The following PDE1C variants were observed in gnomAD, a reference collection of about 807,000 sequenced individuals.
PDE1C encodes the protein dual specificity calcium/calmodulin-dependent 3',5'-cyclic nucleotide phosphodiesterase 1C.
Under a neutral mutation model 93.1 loss-of-function variants are expected in PDE1C, and 62 were observed. The ratio of observed to expected loss-of-function variants is 0.67; its 90% CI spans 0.54 to 0.82. PDE1C has a LOEUF of 0.82. Among genes scored for constraint, PDE1C ranks in the 40% least tolerant of loss-of-function variants. The pLI is 0.00. For synonymous variants in PDE1C, 325 were observed against 310.1 expected (o/e 1.05, Z -0.50); for missense variants, 742 against 884.6 (o/e 0.84, Z 2.04).
chr7:31,640,525 CAAGA>C, the PDE1C span, among the ~76,000 whole-genome samples: 5 of 152,224 alleles, frequency 3.3e-5, no homozygotes, highest in Non-Finnish European at 7.3e-5. Flanking sequence ...CTTCTCATGC[CAAGA>C]CCTGTAAACT....
At chr7:31,656,733 G>T in the PDE1C span, among the ~76,000 whole-genome samples, 1 of 152,120 alleles carries the variant, frequency 6.6e-6, no homozygotes, top group South Asian at 2.1e-4. Flanking sequence ...TCAGAAAGAT[G>T]ACTTCATGTG....
At chr7:32,080,213 G>T (rs1031287896) in intron 3 of PDE1C, among the ~76,000 whole-genome samples, 10 of 152,082 alleles carry the variant, frequency 6.6e-5, no homozygotes, top group Non-Finnish European at 1.3e-4. Context: ...ATTGGGTACA[G>T]ATTTAGGGAC....
At chr7:31,794,105 T>C (rs1349750879) in intron 16 of PDE1C, among the ~76,000 whole-genome samples, 2 of 149,934 alleles carry the variant, frequency 1.3e-5, no homozygotes, top group African/African-American at 2.5e-5. Context: ...GATAGACAGA[T>C]AGATGGGCAG....
chr7:32,030,705 C>T (rs1000518898), intron 2 of PDE1C, among the ~76,000 whole-genome samples: 3 of 151,966 alleles, frequency 2.0e-5, no homozygotes, highest in Non-Finnish European at 4.4e-5. Flanking sequence ...CATAATAAAC[C>T]TATTTAGAAA....
chr7:31,794,172 T>C (rs1356576751), intron 16 of PDE1C, among the ~76,000 whole-genome samples: 1 of 151,830 alleles, frequency 6.6e-6, no homozygotes, highest in South Asian at 2.1e-4. Flanking sequence ...TTTGTGGGAA[T>C]GTAACTTCTT....
intron 17 of PDE1C, among the ~76,000 whole-genome samples, chr7:31,755,882 C>A (rs1794431079): frequency 6.6e-6 from 1 of 152,100 alleles, no homozygotes; most frequent in South Asian, 2.1e-4. Flanking sequence ...AAATATGAGA[C>A]AGGCTTGGCA....
chr7:31,804,413 C>T (rs1435394841), intron 16 of PDE1C, among the ~76,000 whole-genome samples: 1 of 151,774 alleles, frequency 6.6e-6, no homozygotes, highest in Non-Finnish European at 1.5e-5. Flanking sequence ...TCTGTTCTGG[C>T]CTCAGGTAGT....
At chr7:32,335,529 T>C (rs1443601603) in intron 1 of PDE1C, among the ~76,000 whole-genome samples, 1 of 152,186 alleles carries the variant, frequency 6.6e-6, no homozygotes, top group Non-Finnish European at 1.5e-5. Flanking sequence ...GTCAACAAAG[T>C]TGGCTTCTCC....
chr7:32,191,912 T>C (rs1039636772), intron 2 of PDE1C, among the ~76,000 whole-genome samples: 7 of 152,206 alleles, frequency 4.6e-5, no homozygotes, highest in African/African-American at 1.2e-4. Flanking sequence ...TGTGCAGTGG[T>C]ATCTCATTGT....
intron 3 of PDE1C, among the ~76,000 whole-genome samples, chr7:32,165,801 G>A (rs1474321879): frequency 1.3e-5 from 2 of 152,164 alleles, no homozygotes; most frequent in African/African-American, 4.8e-5. Flanking sequence ...ATACTCTCGA[G>A]TTCAAAGGGA....
chr7:31,822,905 C>T (rs936423592), intron 14 of PDE1C, among the ~76,000 whole-genome samples, 168 bp downstream of exon 14: 2 of 152,192 alleles, frequency 1.3e-5, no homozygotes, highest in Admixed American at 1.3e-4. Context: ...TGCATTTTAT[C>T]ATGCATTGAT....
At position 31,873,384 on chromosome 7, in the gene PDE1C, C is replaced by T. The variant is rs765331013; in HGVS notation, c.517G>A (p.Val173Ile). 5.3e-5 allele frequency: 86 copies of T among 1,612,888 alleles called. No homozygotes were observed. The highest frequency in any genetic ancestry group is 4.7e-4 in the East Asian group (21 of 44,838). Residue 173 changes from valine to isoleucine, a missense_variant, in exon 6 of 18, where the codon GTC (valine) becomes ATC (isoleucine). This residue lies in a region of PDE1C where 205 missense variants were observed against 295.3 expected (regional missense o/e 0.69). Coordinates refer to ENST00000396191, the MANE Select transcript of PDE1C (RefSeq NM_001191057.4). ...CCACTGGCCTCATTGAGGGAAAAGACGTCAAAGGACCACTTGTCCACATCC... is the reference window on the plus strand; with the variant it reads ...CCACTGGCCTCATTGAGGGAAAAGATGTCAAAGGACCACTTGTCCACATCC... ...LKDVDKWSFD[V>I]FSLNEASGDH...
the PDE1C span, among the ~76,000 whole-genome samples, chr7:31,616,899 G>A: frequency 7.2e-5 from 11 of 151,980 alleles, no homozygotes; most frequent in African/African-American, 2.4e-4. Flanking sequence ...CTTACTTTTT[G>A]CCTTCTTGGT....
At chr7:31,679,209 A>G in the PDE1C span, among the ~76,000 whole-genome samples, 1 of 152,132 alleles carries the variant, frequency 6.6e-6, no homozygotes, top group African/African-American at 2.4e-5. Context: ...GACAGATGGG[A>G]GAAGAAAGCC....
At chr7:31,716,126 G>C in the PDE1C span, among the ~76,000 whole-genome samples, 1 of 152,142 alleles carries the variant, frequency 6.6e-6, no homozygotes, top group Non-Finnish European at 1.5e-5. Flanking sequence ...TTAAGGTGAG[G>C]CAAGTGAGGT....
At chr7:32,423,478 C>T (rs1261817102) in intron 1 of PDE1C, among the ~76,000 whole-genome samples, 1 of 152,220 alleles carries the variant, frequency 6.6e-6, no homozygotes, top group Non-Finnish European at 1.5e-5. Flanking sequence ...TGTGTTTCAG[C>T]AAGCTCCTGG....
chr7:32,266,932 G>T (rs889425712), intron 1 of PDE1C, among the ~76,000 whole-genome samples: 38 of 152,170 alleles, frequency 2.5e-4, no homozygotes, highest in Admixed American at 2.0e-4. Flanking sequence ...CGCTGGAGAG[G>T]CTGGAAGAGG....
chr7:32,074,084 C>T (rs1479237493), upstream of PDE1C, among the ~76,000 whole-genome samples: 1 of 152,124 alleles, frequency 6.6e-6, no homozygotes, highest in Non-Finnish European at 1.5e-5. Flanking sequence ...TTAAAGTACT[C>T]CTGCAAATTC....
At chr7:32,378,565 T>C (rs1585133226) in intron 1 of PDE1C, among the ~76,000 whole-genome samples, 1 of 152,192 alleles carries the variant, frequency 6.6e-6, no homozygotes, top group Middle Eastern at 3.2e-3. Context: ...GATATGCAAC[T>C]TCCCCAGTTA....
Sources: gnomAD v4.1 joint callset for allele counts (sites outside exome capture counted in the v4.1 genomes callset) on GRCh38, gnomAD v4.1.1 for gene constraint, gnomAD v4.1.1 regional missense constraint, MANE v1.5 for transcripts, NCBI Gene and HGNC (gene_info 2026-07-23, HGNC 2026-07-21) for gene names.